MYLK4: variants seen among roughly 807,000 people sequenced by gnomAD.
The protein encoded by MYLK4 is caMLCK like.
MYLK4 carries 46 observed loss-of-function variants against 48.1 expected under a neutral mutation model. The ratio of observed to expected loss-of-function variants is 0.96; its 90% CI spans 0.75 to 1.22. The LOEUF is 1.22. Ranked by LOEUF, MYLK4 falls within the 50% of genes most tolerant of loss-of-function variation. The pLI, the probability that MYLK4 is intolerant of heterozygous loss-of-function variation, is 0.00. For synonymous variants in MYLK4, 170 were observed against 180.8 expected (o/e 0.94, Z 0.48); for missense variants, 451 against 486.1 (o/e 0.93, Z 0.68).
chr6:2,721,968 T>G (rs1470331280), intron 2 of MYLK4, among the ~76,000 whole-genome samples: 1 of 152,184 alleles, frequency 6.6e-6, no homozygotes, highest in Non-Finnish European at 1.5e-5. Context: ...TCCATCATTC[T>G]CAGAAAACTA....
At chr6:2,696,771 T>C (rs1007853879) in intron 2 of MYLK4, among the ~76,000 whole-genome samples, 1 of 152,186 alleles carries the variant, frequency 6.6e-6, no homozygotes, top group Non-Finnish European at 1.5e-5. Context: ...TTTATAAAAA[T>C]AAAAGTGCAG....
At chr6:2,768,807 A>G in the MYLK4 span, 1 of 1,614,044 alleles carries the variant, frequency 6.2e-7, no homozygotes, top group African/African-American at 1.3e-5. Flanking sequence ...AACAAGCTCA[A>G]AATGAAAAGA....
the MYLK4 span, among the ~76,000 whole-genome samples, chr6:2,769,909 G>A: frequency 6.6e-6 from 1 of 152,138 alleles, no homozygotes; most frequent in Non-Finnish European, 1.5e-5. Context: ...AGGCTTGGAC[G>A]GGCATTCCAG....
At chr6:2,741,075 C>T (rs1763883817) in intron 2 of MYLK4, among the ~76,000 whole-genome samples, 1 of 146,092 alleles carries the variant, frequency 6.8e-6, no homozygotes, top group Non-Finnish European at 1.5e-5. Flanking sequence ...TTTATTTTTG[C>T]TTTGGCTAAA....
intron 7 of MYLK4, among the ~76,000 whole-genome samples, chr6:2,682,712 C>G (rs1463520847): frequency 6.6e-6 from 1 of 152,210 alleles, no homozygotes; most frequent in African/African-American, 2.4e-5. Flanking sequence ...GATGAGAGGG[C>G]TACCACGTGG....
intron 9 of MYLK4, among the ~76,000 whole-genome samples, chr6:2,678,711 G>GATT (rs759813920): frequency 7.6e-6 from 1 of 132,322 alleles, no homozygotes; most frequent in Non-Finnish European, 1.6e-5. Context: ...TAGGAGATCA[G>GATT]TTTTTTTTTT....
chr6:2,689,583 T>C (rs765567521), intron 3 of MYLK4, among the ~76,000 whole-genome samples: 1 of 152,208 alleles, frequency 6.6e-6, no homozygotes, highest in African/African-American at 2.4e-5. Flanking sequence ...CCACCTTAAG[T>C]GTTTAAACGC....
At chr6:2,764,860 T>G in the MYLK4 span, among the ~76,000 whole-genome samples, 2 of 152,158 alleles carry the variant, frequency 1.3e-5, no homozygotes, top group African/African-American at 4.8e-5. Flanking sequence ...ACTACTGAGG[T>G]GAGCATTTCT....
the MYLK4 span, among the ~76,000 whole-genome samples, chr6:2,767,417 TCTC>T: frequency 6.6e-6 from 1 of 152,224 alleles, no homozygotes; most frequent in African/African-American, 2.4e-5. Context: ...TTATGATTTT[TCTC>T]CTATTTTTCT....
At position 2,749,299 on chromosome 6, in the gene MYLK4, G is replaced by T. The variant is rs1312197987; in HGVS notation, c.-5C>A. The T allele has an allele frequency of 6.2e-7, 1 of 1,611,318 alleles. No homozygotes were observed. The highest frequency in any genetic ancestry group is 8.5e-7 in the Non-Finnish European group (1 of 1,178,846). ...CAGCCTCTTCACTTTTAACATCTTAGTAGTGAGTCCGATTAAGCTACTTTC... is the reference window on the plus strand; with the variant it reads ...CAGCCTCTTCACTTTTAACATCTTATTAGTGAGTCCGATTAAGCTACTTTC... On this transcript the variant is annotated 5_prime_UTR_variant, in exon 2 of 13. Coordinates refer to ENST00000274643, the MANE Select transcript of MYLK4 (RefSeq NM_001012418.5).
At chr6:2,748,604 T>G (rs1254275847) in intron 2 of MYLK4, among the ~76,000 whole-genome samples, 1 of 152,220 alleles carries the variant, frequency 6.6e-6, no homozygotes. Flanking sequence ...AGCCCTTGGT[T>G]AAATTAATAT....
At chr6:2,747,840 G>A (rs1764152771) in intron 2 of MYLK4, among the ~76,000 whole-genome samples, 1 of 152,062 alleles carries the variant, frequency 6.6e-6, no homozygotes, top group East Asian at 1.9e-4. Context: ...AAATTATCCT[G>A]TTTGTACCAC....
intron 2 of MYLK4, among the ~76,000 whole-genome samples, chr6:2,709,334 G>A (rs903269243): frequency 2.0e-5 from 3 of 152,196 alleles, no homozygotes; most frequent in African/African-American, 7.2e-5. Context: ...ATATTAGCTT[G>A]CCTTCCCGTT....
chr6:2,707,834 C>A (rs1404110741), intron 2 of MYLK4, among the ~76,000 whole-genome samples: 1 of 151,894 alleles, frequency 6.6e-6, no homozygotes, highest in African/African-American at 2.4e-5. Context: ...AAATCAAAAT[C>A]CTAAAATCTA....
At chr6:2,750,406 A>C (rs1304567077) in intron 1 of MYLK4, among the ~76,000 whole-genome samples, 1 of 152,222 alleles carries the variant, frequency 6.6e-6, no homozygotes, top group Non-Finnish European at 1.5e-5. Context: ...TATCAACCAG[A>C]GCTCTACAGA....
chr6:2,762,860 G>C, the MYLK4 span, among the ~76,000 whole-genome samples: 13 of 152,274 alleles, frequency 8.5e-5, no homozygotes, highest in African/African-American at 2.4e-4. Context: ...CTGCCAGTGG[G>C]TTCAGTGGGT....
chr6:2,732,656 C>T (rs376543835), intron 2 of MYLK4, among the ~76,000 whole-genome samples: 6 of 152,174 alleles, frequency 3.9e-5, no homozygotes, highest in Admixed American at 1.3e-4. Flanking sequence ...AAGTGACCCC[C>T]GAGACCCACT....
At chr6:2,766,547 C>G in the MYLK4 span, 4 of 1,415,418 alleles carry the variant, frequency 2.8e-6, no homozygotes, top group Non-Finnish European at 3.7e-6. Flanking sequence ...AGCCGCCTGC[C>G]TCTCCTGGAT....
At chr6:2,766,448 A>C in the MYLK4 span, 5 of 1,527,452 alleles carry the variant, frequency 3.3e-6, no homozygotes, top group South Asian at 6.2e-5. Flanking sequence ...CGGCAAGGTG[A>C]GTGCGGCCTT....
Sources: allele counts gnomAD v4.1 joint callset (sites outside exome capture counted in the v4.1 genomes callset), GRCh38; gene constraint gnomAD v4.1.1; transcripts MANE v1.5; gene names NCBI Gene and HGNC (gene_info 2026-07-23, HGNC 2026-07-21).